PDE10A: variants seen among roughly 807,000 people sequenced by gnomAD.
PDE10A encodes the protein cAMP and cAMP-inhibited cGMP 3',5'-cyclic phosphodiesterase 10A.
In PDE10A, 39 loss-of-function variants were observed where a neutral mutation model predicts 97.7. That is an observed-to-expected ratio of 0.40 (90% CI 0.31 to 0.52). The LOEUF (loss-of-function observed/expected upper bound fraction) is 0.52, where lower values mean the gene tolerates loss of function less well. Ranked by LOEUF, PDE10A falls within the 20% of genes least tolerant of loss-of-function variation. The pLI, the probability that PDE10A is intolerant of heterozygous loss-of-function variation, is 0.56. For synonymous variants in PDE10A, 371 were observed against 376.8 expected (o/e 0.98, Z 0.18); for missense variants, 731 against 1,047.8 (o/e 0.70, Z 4.17).
At chr6:165,682,802 C>T (rs1438605564) in intron 1 of PDE10A, among the ~76,000 whole-genome samples, 4 of 152,180 alleles carry the variant, frequency 2.6e-5, no homozygotes, top group South Asian at 2.1e-4. Flanking sequence ...CAACAGGGAA[C>T]GTGAAGATCA....
chr6:165,804,698 C>T (rs933068510), intron 1 of PDE10A, among the ~76,000 whole-genome samples: 1 of 151,962 alleles, frequency 6.6e-6, no homozygotes, highest in Non-Finnish European at 1.5e-5. Flanking sequence ...AGGGGAAGAG[C>T]AGAGGCACCG....
chr6:165,591,343 A>G (rs1239382968), intron 1 of PDE10A, among the ~76,000 whole-genome samples: 1 of 152,246 alleles, frequency 6.6e-6, no homozygotes, highest in Non-Finnish European at 1.5e-5. Context: ...TTGAAAACAG[A>G]AACTGGAATG....
At chr6:165,689,739 G>A (rs1042329550) in intron 1 of PDE10A, among the ~76,000 whole-genome samples, 3 of 152,180 alleles carry the variant, frequency 2.0e-5, no homozygotes, top group Admixed American at 6.5e-5. Flanking sequence ...CCAGAACCAT[G>A]AGCCAAATAA....
At position 165,723,860 on chromosome 6, in the gene PDE10A, T is replaced by TA. The variant is rs1554312121; in HGVS notation, c.-614-180293dup. Among the ~76,000 whole-genome samples the TA allele has an allele frequency of 1.0e-2, 1,514 of 152,010 alleles. 26 individuals are homozygous for TA. Among genetic ancestry groups the TA allele is most frequent in the African/African-American group, 0.035 (1,461 of 41,422 alleles). ...AATAAGATAAAGGTGTTTTTTTTTT[T>TA]AATTTTCCCTTGGGGGTCAGTCTAA... On this transcript the variant is annotated intron_variant, in intron 1 of 19. Coordinates refer to the PDE10A transcript ENST00000366882.
chr6:165,753,668 A>C (rs889862657), intron 1 of PDE10A, among the ~76,000 whole-genome samples: 1 of 152,186 alleles, frequency 6.6e-6, no homozygotes, highest in Admixed American at 6.5e-5. Flanking sequence ...GACTTTCAAT[A>C]ATTTATTATA....
At chr6:165,440,187 G>A (rs773202846) in intron 5 of PDE10A, among the ~76,000 whole-genome samples, 1 of 152,176 alleles carries the variant, frequency 6.6e-6, no homozygotes, top group African/African-American at 2.4e-5. Context: ...CCTGGAACTT[G>A]ATATATGGAT....
intron 2 of PDE10A, among the ~76,000 whole-genome samples, chr6:165,494,462 G>GT (rs1780411442): frequency 1.3e-5 from 2 of 148,466 alleles, no homozygotes; most frequent in East Asian, 2.0e-4. Flanking sequence ...ATGTGGGGGG[G>GT]GGTGTGTGTG....
At chr6:165,489,428 G>C (rs111689855) in intron 2 of PDE10A, among the ~76,000 whole-genome samples, 5 of 152,264 alleles carry the variant, frequency 3.3e-5, no homozygotes, top group Admixed American at 1.3e-4. Flanking sequence ...GCACCCCATG[G>C]GATAAAAGAA....
intron 18 of PDE10A, among the ~76,000 whole-genome samples, chr6:165,365,556 A>G (rs2128195837): frequency 6.6e-6 from 1 of 152,192 alleles, no homozygotes; most frequent in South Asian, 2.1e-4. Context: ...AAATAATGAC[A>G]AAAAATGTAG....
At chr6:165,523,771 C>A (rs1223795729) in intron 2 of PDE10A, among the ~76,000 whole-genome samples, 1 of 151,940 alleles carries the variant, frequency 6.6e-6, no homozygotes, top group African/African-American at 2.4e-5. Context: ...TGACAAAAAA[C>A]CTAACTAAAG....
chr6:165,638,234 T>C (rs551217566), intron 1 of PDE10A, among the ~76,000 whole-genome samples: 1 of 152,268 alleles, frequency 6.6e-6, no homozygotes, highest in Non-Finnish European at 1.5e-5. Context: ...TGTTTGGCGA[T>C]GATTCTACTA....
chr6:165,871,488 C>G (rs957972380), intron 1 of PDE10A, among the ~76,000 whole-genome samples: 1 of 152,116 alleles, frequency 6.6e-6, no homozygotes, highest in African/African-American at 2.4e-5. Flanking sequence ...GAGGGGAACT[C>G]TGGTCCTTCA....
intron 2 of PDE10A, among the ~76,000 whole-genome samples, chr6:165,519,465 G>GAA (rs978486217): frequency 7.0e-6 from 1 of 142,084 alleles, no homozygotes. Context: ...ATGAGGAGAG[G>GAA]AAAAAAAAAA....
At chr6:165,659,822 C>T (rs1246038624) in intron 1 of PDE10A, among the ~76,000 whole-genome samples, 2 of 152,276 alleles carry the variant, frequency 1.3e-5, no homozygotes, top group East Asian at 1.9e-4. Context: ...CTACGAATCC[C>T]GAGAGGACTC....
intron 1 of PDE10A, among the ~76,000 whole-genome samples, chr6:165,852,844 C>T (rs1363908835): frequency 1.3e-5 from 2 of 152,226 alleles, no homozygotes; most frequent in Non-Finnish European, 2.9e-5. Context: ...GTGGCTCATT[C>T]ATTACATTCA....
chr6:165,842,733 T>C (rs2128473445), intron 1 of PDE10A, among the ~76,000 whole-genome samples: 1 of 151,948 alleles, frequency 6.6e-6, no homozygotes, highest in African/African-American at 2.4e-5. Context: ...CACAGAGAGG[T>C]GAAGTAACTT....
intron 1 of PDE10A, among the ~76,000 whole-genome samples, chr6:165,831,624 A>G (rs1408041668): frequency 6.6e-6 from 1 of 151,226 alleles, no homozygotes; most frequent in African/African-American, 2.4e-5. Context: ...ACTACGGACT[A>G]CAGGCGCCCG....
intron 1 of PDE10A, among the ~76,000 whole-genome samples, chr6:165,812,003 C>A (rs1779296632): frequency 6.6e-6 from 1 of 152,140 alleles, no homozygotes; most frequent in African/African-American, 2.4e-5. Flanking sequence ...CAGGCACACG[C>A]CACCATGCCC....
chr6:165,536,815 G>A (rs502821), intron 2 of PDE10A, among the ~76,000 whole-genome samples: 77,930 of 151,718 alleles, frequency 0.51, 24,508 homozygotes, highest in Non-Finnish European at 0.68. Context: ...AAATGCTGGC[G>A]AAGAAAGGGG....
Sources: gnomAD v4.1 joint callset for allele counts (sites outside exome capture counted in the v4.1 genomes callset) on GRCh38, gnomAD v4.1.1 for gene constraint, MANE v1.5 for transcripts, NCBI Gene and HGNC (gene_info 2026-07-23, HGNC 2026-07-21) for gene names.